The following STK32B variants were observed in gnomAD, a reference collection of about 807,000 sequenced individuals.
STK32B encodes serine/threonine kinase 32B, also known as serine/threonine-protein kinase 32B.
A neutral mutation model predicts 52.6 loss-of-function variants in STK32B; 43 were observed. The observed-to-expected ratio is 0.82, with a 90% CI of 0.64 to 1.05. The LOEUF (loss-of-function observed/expected upper bound fraction) is 1.05, where lower values mean the gene tolerates loss of function less well. STK32B is among the 50% of genes least tolerant of loss of function. The pLI is 0.00. For synonymous variants in STK32B, 238 were observed against 204.3 expected (o/e 1.17, Z -1.41); for missense variants, 621 against 534.6 (o/e 1.16, Z -1.59).
chr4:5,162,206 C>G (rs1312551550), intron 2 of STK32B, among the ~76,000 whole-genome samples: 1 of 152,194 alleles, frequency 6.6e-6, no homozygotes, highest in African/African-American at 2.4e-5. Flanking sequence ...GAGCTGCTAA[C>G]CAGCGATTAG....
At chr4:5,449,334 G>A (rs1270056618) in intron 7 of STK32B, among the ~76,000 whole-genome samples, 2 of 152,166 alleles carry the variant, frequency 1.3e-5, no homozygotes, top group Non-Finnish European at 2.9e-5. Context: ...GACAGAGCAA[G>A]ACTCTGTCTC....
intron 3 of STK32B, among the ~76,000 whole-genome samples, chr4:5,202,106 A>G (rs1232559624): frequency 6.6e-6 from 1 of 152,218 alleles, no homozygotes; most frequent in Non-Finnish European, 1.5e-5. Flanking sequence ...AAAGCAAGTT[A>G]GTTACTTCCA....
chr4:5,472,632 G>A (rs1201573865), intron 11 of STK32B, among the ~76,000 whole-genome samples: 1 of 152,134 alleles, frequency 6.6e-6, no homozygotes, highest in Non-Finnish European at 1.5e-5. Context: ...AGAAGCTCCT[G>A]GTGAGGAAGG....
intron 11 of STK32B, among the ~76,000 whole-genome samples, chr4:5,480,591 T>A (rs1274517420): frequency 6.6e-6 from 1 of 152,136 alleles, no homozygotes; most frequent in African/African-American, 2.4e-5. Flanking sequence ...TTTTTTTTTC[T>A]TTCATTATAC....
chr4:5,053,994 A>AATAAATAAACAAATAAATAAAT, intron 1 of STK32B, among the ~76,000 whole-genome samples: 1 of 148,008 alleles, frequency 6.8e-6, no homozygotes, highest in South Asian at 2.2e-4. Context: ...TAAATAAATA[A>AATAAATAAACAAATAAATAAAT]ATAAATAAAT....
chr4:5,389,735 C>A (rs1422114121), intron 4 of STK32B, among the ~76,000 whole-genome samples: 4 of 152,156 alleles, frequency 2.6e-5, no homozygotes, highest in African/African-American at 7.2e-5. Context: ...ATGCCCCCCC[C>A]AAAGATGCCA....
intron 3 of STK32B, among the ~76,000 whole-genome samples, chr4:5,238,233 T>A (rs1267801815): frequency 2.0e-5 from 3 of 152,148 alleles, no homozygotes; most frequent in Non-Finnish European, 2.9e-5. Context: ...TTCTCTGAAA[T>A]CTGTGGGAGA....
the STK32B span, among the ~76,000 whole-genome samples, chr4:5,042,050 T>A: frequency 6.6e-6 from 1 of 152,212 alleles, no homozygotes; most frequent in African/African-American, 2.4e-5. Context: ...ATGTTACGGC[T>A]TTAGGGTTTA....
intron 11 of STK32B, among the ~76,000 whole-genome samples, chr4:5,486,752 C>T (rs1719253670): frequency 6.6e-6 from 1 of 152,204 alleles, no homozygotes; most frequent in South Asian, 2.1e-4. Context: ...CTCCACCCCC[C>T]TAAAATGTTT....
rs1231631062 is a variant in STK32B at position 5,173,725 on chromosome 4, T to C, written c.260+5275T>C. Reference sequence around the variant, plus strand: ...TGCTGAGGAGTGCTTTACTTCCAACTATGTGGTCAATTTTGGAATAGGTGT... The same window carrying C: ...TGCTGAGGAGTGCTTTACTTCCAACCATGTGGTCAATTTTGGAATAGGTGT... On this transcript the variant is annotated intron_variant, in intron 3 of 11. Transcript: ENST00000282908. Among the ~76,000 whole-genome samples, 5 of 152,332 alleles carry C rather than the reference T, an allele frequency of 3.3e-5. No homozygotes were observed. The South Asian group carries it at 6.2e-4, about 19-fold the overall frequency.
chr4:5,297,413 C>T (rs938188826), intron 3 of STK32B, among the ~76,000 whole-genome samples: 1 of 152,018 alleles, frequency 6.6e-6, no homozygotes, highest in Non-Finnish European at 1.5e-5. Flanking sequence ...TTCAGGTACA[C>T]CAATCTGTTG....
intron 3 of STK32B, among the ~76,000 whole-genome samples, chr4:5,292,225 T>C (rs1022789002): frequency 6.6e-6 from 1 of 152,172 alleles, no homozygotes; most frequent in Non-Finnish European, 1.5e-5. Flanking sequence ...TCCAAATTGC[T>C]TTCTATGGGA....
Position 5,460,196 on chromosome 4 carries a change from A to G in STK32B, c.877A>G (p.Lys293Glu). ...LADMNWDAVF[K>E]KALMPGFVPN... ...CGACATGAACTGGGACGCGGTGTTC[A>G]AGAAGGCACTGATGCCCGGCTTTGT... The change falls in exon 9 of 12, where the codon AAG becomes GAG. Residue 293 changes from lysine to glutamate, a missense_variant. By Grantham distance (56) the Lys-to-Glu change is moderately conservative (BLOSUM62 1). Coordinates refer to ENST00000282908, the MANE Select transcript of STK32B (RefSeq NM_018401.3). The surrounding 1 kb of genome is among the most constrained non-coding windows in gnomAD (Gnocchi z 4.8). 1 of 1,613,884 alleles carries G rather than the reference A, an allele frequency of 6.2e-7. No homozygotes were observed. The highest frequency in any genetic ancestry group is 8.5e-7 in the Non-Finnish European group (1 of 1,179,920).
chr4:5,353,335 C>T, intron 4 of STK32B, among the ~76,000 whole-genome samples: 1 of 147,242 alleles, frequency 6.8e-6, no homozygotes, highest in Non-Finnish European at 1.5e-5. Context: ...CAGGATATTG[C>T]TCTAGGCAAA....
chr4:5,248,289 T>G (rs955173410), intron 3 of STK32B, among the ~76,000 whole-genome samples: 1 of 152,226 alleles, frequency 6.6e-6, no homozygotes, highest in Non-Finnish European at 1.5e-5. Context: ...AGTAACAAAT[T>G]CAGGCATGTA....
chr4:5,145,443 C>G (rs1381878413), intron 2 of STK32B, among the ~76,000 whole-genome samples: 4 of 152,106 alleles, frequency 2.6e-5, no homozygotes, highest in South Asian at 4.1e-4. Flanking sequence ...TCTGAGTAAC[C>G]TAAACCCATA....
At chr4:5,382,084 G>C (rs1464560715) in intron 4 of STK32B, among the ~76,000 whole-genome samples, 2 of 152,146 alleles carry the variant, frequency 1.3e-5, no homozygotes, top group Non-Finnish European at 2.9e-5. Flanking sequence ...TAAGGCCTCT[G>C]ACTGGTTGGA....
At position 5,428,605 on chromosome 4, in the gene STK32B, C is replaced by G. The variant is rs147317784; in HGVS notation, c.562+11671C>G. ...TTGGTTAATATTACATGCAAACTTG[C>G]AAAAATATGTATTGTCTTCTTTGGT... is the stretch of plus-strand genomic sequence containing the variant. On this transcript the variant is annotated intron_variant, in intron 6 of 11. Coordinates refer to ENST00000282908, the MANE Select transcript of STK32B (RefSeq NM_018401.3). Among the ~76,000 whole-genome samples, 633 of 152,172 alleles carry G rather than the reference C, an allele frequency of 4.2e-3. 3 individuals are homozygous for G. The highest frequency in any genetic ancestry group is 7.5e-3 in the Non-Finnish European group (509 of 68,000).
At chr4:5,383,518 A>C (rs1197891228) in intron 4 of STK32B, among the ~76,000 whole-genome samples, 1 of 152,214 alleles carries the variant, frequency 6.6e-6, no homozygotes, top group Admixed American at 6.5e-5. Flanking sequence ...GCCAGCTCAG[A>C]TGATCTTTCT....
Sources: gnomAD v4.1 joint callset for allele counts (sites outside exome capture counted in the v4.1 genomes callset) on GRCh38, gnomAD v4.1.1 for gene constraint, Gnocchi (gnomAD v3.1) non-coding constraint, MANE v1.5 for transcripts, NCBI Gene and HGNC (gene_info 2026-07-23, HGNC 2026-07-21) for gene names.